Variants in ROBO3 observed in about 807,000 individuals in gnomAD.
The protein encoded by ROBO3 is roundabout guidance receptor 3, also known as roundabout homolog 3.
A neutral mutation model predicts 160.5 loss-of-function variants in ROBO3; 97 were observed. The observed-to-expected ratio is 0.60, with a 90% CI of 0.51 to 0.72. ROBO3 has a LOEUF of 0.72. ROBO3 is among the 30% of genes least tolerant of loss of function. The pLI, the probability that ROBO3 is intolerant of heterozygous loss-of-function variation, is 0.00. For synonymous variants in ROBO3, 780 were observed against 746.2 expected (o/e 1.05, Z -0.74); for missense variants, 1,858 against 1,846.5 (o/e 1.01, Z -0.11).
chr11:124,874,041 AC>A (rs749609513), intron 11 of ROBO3, 28 bp from the exon 12 acceptor site: 1 of 1,613,210 alleles, frequency 6.2e-7, no homozygotes. Flanking sequence ...CCTGGCTTAG[AC>A]AACCCTGTCA....
At position 124,876,019 on chromosome 11, in the gene ROBO3, C is replaced by A; in HGVS notation, c.2487C>A (p.Ser829=). ...GATCTGCAGCAGGCTGGGCACGCTC[C>A]GCAATGCTCCGAGGACTGGTGCCCG... The part of the protein sequence containing the change: ...LNRSAAGWAR[S]AMLRGLVPGL... Residue 829 remains serine, a synonymous_variant, in exon 16 of 28, where the codon TCC becomes TCA. Coordinates refer to ENST00000397801, the MANE Select transcript of ROBO3 (RefSeq NM_022370.4). This position sits in a 1 kb window ranked among gnomAD's most constrained non-coding sequence, Gnocchi z 5.3. The A allele has an allele frequency of 1.2e-6, 2 of 1,603,018 alleles. No individual in the cohort carries two copies. The highest frequency in any genetic ancestry group is 1.7e-6 in the Non-Finnish European group (2 of 1,175,358).
In ROBO3 at chr11:124,873,773, T is replaced by A. The variant is rs773474702; in HGVS notation, c.1695T>A (p.Thr565=). 4.3e-6 allele frequency: 7 copies of A among 1,613,684 alleles called. No homozygotes were observed. Among genetic ancestry groups the A allele is most frequent in the Non-Finnish European group, 5.9e-6 (7 of 1,179,644 alleles). ...PPGAPSQPVV[T]EITKNSITLT... ...GGGCTCCCTCTCAGCCAGTGGTCAC[T>A]GAGATCACCAAGAACAGCATTACCC... Residue 565 remains threonine (T), a synonymous_variant, in exon 11 of 28, where the codon ACT becomes ACA. Transcript: ENST00000397801. The surrounding 1 kb of genome is among the most constrained non-coding windows in gnomAD (Gnocchi z 4.5).
At position 124,878,799 on chromosome 11, in the gene ROBO3, A is replaced by T; in HGVS notation, c.3533+3A>T. The T allele has an allele frequency of 6.2e-7, 1 of 1,609,040 alleles. No individual in the cohort carries two copies. Among genetic ancestry groups the T allele is most frequent in the Non-Finnish European group, 8.5e-7 (1 of 1,177,226 alleles). On this transcript the variant is annotated splice_donor_region_variant and intron_variant, in intron 23 of 27. Coordinates refer to ENST00000397801, the MANE Select transcript of ROBO3 (RefSeq NM_022370.4). This position sits in a 1 kb window ranked among gnomAD's most constrained non-coding sequence, Gnocchi z 4.3. ...CCCCATCTCCATCAGATGCCCAGGT[A>T]GGGAGGTATATAGTACCTCACTCAT... is the stretch of plus-strand genomic sequence containing the variant.
At position 124,878,202 on chromosome 11, in the gene ROBO3, AC is replaced by A; in HGVS notation, c.3181+74del. 1 of 1,568,224 alleles carries A rather than the reference AC, an allele frequency of 6.4e-7. No homozygotes were observed. The highest frequency in any genetic ancestry group is 8.7e-7 in the Non-Finnish European group (1 of 1,151,528). On this transcript the variant is annotated intron_variant, in intron 21 of 27. Transcript: ENST00000397801. The surrounding 1 kb of genome is among the most constrained non-coding windows in gnomAD (Gnocchi z 4.3). ...TCCCCAAAGAGGATCCTCCTCCCTG[AC>A]CCTCTGGCACCTAGCCCGGCACTTC...
In ROBO3 at chr11:124,876,350, A is replaced by C. The variant is rs1319686113; in HGVS notation, c.2669A>C (p.Glu890Ala). Residue 890 changes from glutamate (E) to alanine (A), a missense_variant, in exon 17 of 28, where the codon GAG (glutamate) becomes GCG (alanine). Physicochemically the swap from Glu to Ala is moderately radical, Grantham distance 107. Coordinates refer to ENST00000397801, the MANE Select transcript of ROBO3 (RefSeq NM_022370.4). This position sits in a 1 kb window ranked among gnomAD's most constrained non-coding sequence, Gnocchi z 5.3. ...LAVRLARVLR[E>A]PAFLAGSGAA... ...GTGCGGCTGGCGAGGGTGCTGCGGG[A>C]GCCCGCCTTCCTCGCGGGCAGCGGC... The C allele has an allele frequency of 1.4e-6, 2 of 1,430,922 alleles. No individual in the cohort carries two copies. The highest frequency in any genetic ancestry group is 2.4e-4 in the Middle Eastern group (1 of 4,158). 88.6% of individuals were successfully genotyped at this position (1,430,922 alleles called of 1,614,324 possible).
Position 124,876,853 on chromosome 11 carries a change from G to C in ROBO3, c.2780-308G>C. On this transcript the variant is annotated intron_variant, in intron 17 of 27. Coordinates refer to ENST00000397801, the MANE Select transcript of ROBO3 (RefSeq NM_022370.4). This position sits in a 1 kb window ranked among gnomAD's most constrained non-coding sequence, Gnocchi z 5.3. ...GCGGCGGGGTCTGGATGGAAAGGCG[G>C]GGCCCGCTGAAAGAAGGCGATCCGA... 1.8e-6 allele frequency: 1 copy of C among 570,886 alleles called. No homozygotes were observed. The highest frequency in any genetic ancestry group is 2.2e-5 in the South Asian group (1 of 44,946). The allele number at this position is 570,886 out of a possible 1,614,324, so 35.4% of individuals were successfully genotyped here. A position where few individuals can be genotyped will look rare whatever the true frequency, so the allele number is the denominator to read the frequency against.
In ROBO3 at chr11:124,876,164, G is replaced by T; in HGVS notation, c.2593+39G>T. 1 of 1,561,780 alleles carries T rather than the reference G, an allele frequency of 6.4e-7. No individual in the cohort carries two copies. ...AGGGCAGTGCTGAGGATCTTGACGG[G>T]GGCGGGGCAAGCCCCCCACTGGGGT... On this transcript the variant is annotated intron_variant, in intron 16 of 27. Coordinates refer to ENST00000397801, the MANE Select transcript of ROBO3 (RefSeq NM_022370.4). This position sits in a 1 kb window ranked among gnomAD's most constrained non-coding sequence, Gnocchi z 5.3.
In ROBO3 at chr11:124,877,936, G is replaced by A. The variant is rs2135341347; in HGVS notation, c.2987-1G>A. On this transcript the variant is annotated splice_acceptor_variant, in intron 20 of 27. Coordinates refer to ENST00000397801, the MANE Select transcript of ROBO3 (RefSeq NM_022370.4). LOFTEE classifies it high-confidence loss of function. ...CGGGCCTCCCTCTTTCTTCTCTGCA[G>A]AAGCGGGAATCTCCCTGTATCTAGC... 1.9e-6 allele frequency: 3 copies of A among 1,595,014 alleles called. No homozygotes were observed. Among genetic ancestry groups the A allele is most frequent in the Non-Finnish European group, 1.7e-6 (2 of 1,167,996 alleles).
In ROBO3 at chr11:124,880,492, G is replaced by A. The variant is rs764082157; in HGVS notation, c.4033G>A (p.Gly1345Ser). The A allele has an allele frequency of 2.4e-5, 39 of 1,602,666 alleles. No individual in the cohort carries two copies. The highest frequency in any genetic ancestry group is 1.0e-4 in the South Asian group (9 of 88,868). ...GQGTSTCSTA[G>S]SNSSRGSSSS... Reference sequence around the variant, plus strand: ...GGGCACCAGCACATGTTCCACGGCCGGCAGCAACTCTTCCAGGGGCTCCAG... The same window carrying A: ...GGGCACCAGCACATGTTCCACGGCCAGCAGCAACTCTTCCAGGGGCTCCAG... The change falls in exon 27 of 28, where the codon GGC becomes AGC. Residue 1345 changes from glycine (G) to serine (S), a missense_variant. Coordinates refer to ENST00000397801, the MANE Select transcript of ROBO3 (RefSeq NM_022370.4).
rs1173524740 is a variant in ROBO3 at position 124,871,025 on chromosome 11, T to C, written c.1045T>C (p.Leu349=). The C allele has an allele frequency of 1.2e-6, 2 of 1,607,228 alleles. No individual in the cohort carries two copies. The highest frequency in any genetic ancestry group is 1.3e-5 in the African/African-American group (1 of 74,928). ...GSLSVHVPPQ[L]VTQPQDQMAA... ...CCTGCCCTTCCCAGTCCCACCCCAG[T>C]TGGTGACCCAGCCCCAGGACCAGAT... The change falls in exon 7 of 28, where the codon TTG becomes CTG. Residue 349 remains leucine, a synonymous_variant. Transcript: ENST00000397801.
chr11:124,869,429 G>GGGGC lies in ROBO3; in HGVS notation c.488-21_488-20insGGGC. On this transcript the variant is annotated intron_variant, in intron 2 of 27. Transcript: ENST00000397801. This position sits in a 1 kb window ranked among gnomAD's most constrained non-coding sequence, Gnocchi z 4.2. ...TGTCACTCTACACCCTGCTTATTTCGCCCCCCACCGCCCCGCCCAGTCCTC... is the reference window on the plus strand; with the variant it reads ...TGTCACTCTACACCCTGCTTATTTCGGGGCCCCCCCACCGCCCCGCCCAGTCCTC... 3.1e-6 allele frequency: 4 copies of GGGGC among 1,295,758 alleles called. No homozygotes were observed. Among genetic ancestry groups the GGGGC allele is most frequent in the Non-Finnish European group, 3.2e-6 (3 of 929,938 alleles). The allele number at this position is 1,295,758 out of a possible 1,614,324, so 80.3% of individuals were successfully genotyped here. A position where few individuals can be genotyped will look rare whatever the true frequency, so the allele number is the denominator to read the frequency against.
Position 124,865,577 on chromosome 11 carries a change from C to T in ROBO3, c.-1C>T. The T allele has an allele frequency of 6.2e-7, 1 of 1,611,170 alleles. No homozygotes were observed. Among genetic ancestry groups the T allele is most frequent in the Non-Finnish European group, 8.5e-7 (1 of 1,179,628 alleles). On this transcript the variant is annotated 5_prime_UTR_variant, in exon 1 of 28. Transcript: ENST00000397801. This position sits in a 1 kb window ranked among gnomAD's most constrained non-coding sequence, Gnocchi z 5.5. ...AGTCCCGATCCCAGCTGGGTCGAGC[C>T]ATGCTGCGCTACCTGCTGAAAACGC...
Position 124,879,942 on chromosome 11 carries a change from C to A in ROBO3, c.3952C>A (p.Pro1318Thr), listed in dbSNP as rs1946529391. 1 of 1,578,114 alleles carries A rather than the reference C, an allele frequency of 6.3e-7. No individual in the cohort carries two copies. The highest frequency in any genetic ancestry group is 8.6e-7 in the Non-Finnish European group (1 of 1,162,274). ...VPLAAQRVLH[P>T]DEEAWLPYSR... ...CCTGGCAGCCCAGCGGGTGCTCCACCCAGATGGTAAGCAGGGCCAGGGCAG... is the reference window on the plus strand; with the variant it reads ...CCTGGCAGCCCAGCGGGTGCTCCACACAGATGGTAAGCAGGGCCAGGGCAG... Residue 1318 changes from proline to threonine, a missense_variant, in exon 26 of 28, where the codon CCA (proline) becomes ACA (threonine). Physicochemically the swap from Pro to Thr is conservative, Grantham distance 38. Coordinates refer to ENST00000397801, the MANE Select transcript of ROBO3 (RefSeq NM_022370.4).
Position 124,873,881 on chromosome 11 carries a change from A to C in ROBO3, c.1784+19A>C, listed in dbSNP as rs772437936. On this transcript the variant is annotated intron_variant, in intron 11 of 27. Transcript: ENST00000397801. This position sits in a 1 kb window ranked among gnomAD's most constrained non-coding sequence, Gnocchi z 4.5. ...CCTTCAGGTATGGAGAAAGTTTTGAATGCAAACCTGGAGAGTTAAAAGGAG... is the reference window on the plus strand; with the variant it reads ...CCTTCAGGTATGGAGAAAGTTTTGACTGCAAACCTGGAGAGTTAAAAGGAG... 3.7e-6 allele frequency: 6 copies of C among 1,611,786 alleles called. No homozygotes were observed. Among genetic ancestry groups the C allele is most frequent in the Middle Eastern group, 3.3e-4 (2 of 6,042 alleles).
intron 1 of ROBO3, among the ~76,000 whole-genome samples, chr11:124,867,923 G>T (rs183016967): frequency 1.3e-5 from 2 of 152,288 alleles, no homozygotes; most frequent in African/African-American, 4.8e-5. Flanking sequence ...TGGACTAGGG[G>T]CTGAGAGTGC....
Position 124,873,302 on chromosome 11 carries a change from T to C in ROBO3, c.1537-8T>C, listed in dbSNP as rs769573195. On this transcript the variant is annotated splice_region_variant and splice_polypyrimidine_tract_variant and intron_variant, in intron 9 of 27. Transcript: ENST00000397801. The surrounding 1 kb of genome is among the most constrained non-coding windows in gnomAD (Gnocchi z 4.5). ...CTCAGTTTGCCAGTGCTCTGCCCTC[T>C]CTTCCAGGAGATGGACATGGGCTTC... The C allele has an allele frequency of 1.2e-5, 19 of 1,605,446 alleles. No homozygotes were observed.
intron 1 of ROBO3, among the ~76,000 whole-genome samples, chr11:124,866,605 G>A (rs962605227): frequency 6.6e-6 from 1 of 152,256 alleles, no homozygotes; most frequent in African/African-American, 2.4e-5. Flanking sequence ...GGAGAGAAAG[G>A]AGACCCTGGC....
chr11:124,876,014 C>G lies in ROBO3; in HGVS notation c.2482C>G (p.Arg828Gly), dbSNP rs775846764. The change falls in exon 16 of 28, where the codon CGC becomes GGC. Residue 828 changes from arginine to glycine, a missense_variant. By Grantham distance (125) the Arg-to-Gly change is moderately radical (BLOSUM62 -2). Coordinates refer to ENST00000397801, the MANE Select transcript of ROBO3 (RefSeq NM_022370.4). The surrounding 1 kb of genome is among the most constrained non-coding windows in gnomAD (Gnocchi z 5.3). ...CAATCGATCTGCAGCAGGCTGGGCA[C>G]GCTCCGCAATGCTCCGAGGACTGGT... Reference protein sequence around the residue: ...HLNRSAAGWARSAMLRGLVPG... With the variant: ...HLNRSAAGWAGSAMLRGLVPG... 1 of 1,602,024 alleles carries G rather than the reference C, an allele frequency of 6.2e-7. No homozygotes were observed. Among genetic ancestry groups the G allele is most frequent in the South Asian group, 1.1e-5 (1 of 88,338 alleles).
Position 124,865,681 on chromosome 11 carries a change from C to T in ROBO3, c.104C>T (p.Ser35Phe). The T allele has an allele frequency of 5.0e-6, 8 of 1,612,120 alleles. No individual in the cohort carries two copies. Among genetic ancestry groups the T allele is most frequent in the Non-Finnish European group, 5.9e-6 (7 of 1,179,356 alleles). ...AGCGAGCTGCTCTTGGGCTTCAACTCCTCGCTGGCGGCGCTCAACCACACC... is the reference window on the plus strand; with the variant it reads ...AGCGAGCTGCTCTTGGGCTTCAACTTCTCGCTGGCGGCGCTCAACCACACC... ...NSSELLLGFN[S>F]SLAALNHTLL... The change falls in exon 1 of 28, where the codon TCC (serine) becomes TTC (phenylalanine). Residue 35 changes from serine to phenylalanine, a missense_variant. Coordinates refer to ENST00000397801, the MANE Select transcript of ROBO3 (RefSeq NM_022370.4). This position sits in a 1 kb window ranked among gnomAD's most constrained non-coding sequence, Gnocchi z 5.5.
Sources: allele counts gnomAD v4.1 joint callset (sites outside exome capture counted in the v4.1 genomes callset), GRCh38; gene constraint gnomAD v4.1.1; non-coding constraint Gnocchi (gnomAD v3.1); transcripts MANE v1.5; gene names NCBI Gene and HGNC (gene_info 2026-07-23, HGNC 2026-07-21).